Variants in CNTNAP2 observed in about 807,000 individuals in gnomAD.
The protein encoded by CNTNAP2 is contactin associated protein 2.
In CNTNAP2, 98 loss-of-function variants were observed where a neutral mutation model predicts 155.2. That is an observed-to-expected ratio of 0.63 (90% CI 0.54 to 0.75). The LOEUF (loss-of-function observed/expected upper bound fraction) is 0.75. Ranked by LOEUF, CNTNAP2 falls within the 30% of genes least tolerant of loss-of-function variation. The probability of loss-of-function intolerance (pLI) is 0.00; values close to 1 mark genes in which losing one functional copy is unlikely to be tolerated. For missense variants in CNTNAP2, 1,727 were observed against 1,688.1 expected (o/e 1.02, Z -0.40); for synonymous variants, 651 against 631.2 (o/e 1.03, Z -0.47).
chr7:146,233,723 T>C (rs918645851), intron 1 of CNTNAP2, among the ~76,000 whole-genome samples: 8 of 152,100 alleles, frequency 5.3e-5, no homozygotes, highest in African/African-American at 1.9e-4. Context: ...GTGTTTGGTT[T>C]TTTGTTCTTG....
intron 1 of CNTNAP2, among the ~76,000 whole-genome samples, chr7:146,449,365 T>C (rs1242762433): frequency 1.3e-5 from 2 of 152,142 alleles, no homozygotes; most frequent in African/African-American, 4.8e-5. Context: ...TTTTTTCCTC[T>C]TGTGCATGTT....
intron 1 of CNTNAP2, among the ~76,000 whole-genome samples, chr7:146,159,188 G>A (rs1584778535): frequency 6.6e-6 from 1 of 152,164 alleles, no homozygotes; most frequent in South Asian, 2.1e-4. Context: ...ACAAAGAAAT[G>A]CTGAGAGACT....
intron 3 of CNTNAP2, among the ~76,000 whole-genome samples, chr7:146,943,362 T>C (rs1039980028): frequency 6.6e-6 from 1 of 152,044 alleles, no homozygotes; most frequent in Non-Finnish European, 1.5e-5. Flanking sequence ...TGTGGTGGCA[T>C]GCACCTGGAA....
chr7:148,080,483 T>G (rs938531474), intron 15 of CNTNAP2, among the ~76,000 whole-genome samples: 2 of 151,158 alleles, frequency 1.3e-5, no homozygotes, highest in Non-Finnish European at 2.9e-5. Context: ...GCGGCGCCTG[T>G]AGTCCCAGCT....
rs528099332 is a variant in CNTNAP2 at position 146,237,901 on chromosome 7, T to G, written c.97+120928T>G. Among the ~76,000 whole-genome samples the G allele has an allele frequency of 1.6e-4, 25 of 152,352 alleles. No homozygotes were observed. The South Asian group carries it at 5.0e-3, about 30-fold the overall frequency. ...AGTGTTTTAACACTTCTGAGAAATATCCTTTCAGATACCAGATGGCTAGAT... is the reference window on the plus strand; with the variant it reads ...AGTGTTTTAACACTTCTGAGAAATAGCCTTTCAGATACCAGATGGCTAGAT... On this transcript the variant is annotated intron_variant, in intron 1 of 23. Transcript: ENST00000361727.
chr7:146,682,034 T>C (rs530920564), intron 1 of CNTNAP2, among the ~76,000 whole-genome samples: 1 of 152,160 alleles, frequency 6.6e-6, no homozygotes, highest in Non-Finnish European at 1.5e-5. Context: ...TACATCATCA[T>C]ATATCATCAC....
At chr7:148,329,345 A>G (rs1797945979) in intron 21 of CNTNAP2, among the ~76,000 whole-genome samples, 1 of 152,224 alleles carries the variant, frequency 6.6e-6, no homozygotes, top group African/African-American at 2.4e-5. Flanking sequence ...CAGACCATCA[A>G]GAAGTCCCCG....
Position 147,352,320 on chromosome 7 carries a change from A to G in CNTNAP2, c.1499-43289A>G, listed in dbSNP as rs573752091. Among the ~76,000 whole-genome samples the G allele has an allele frequency of 2.8e-4, 42 of 152,116 alleles. 1 individual carries two copies. The highest frequency in any genetic ancestry group is 8.4e-4 in the African/African-American group (35 of 41,564). On this transcript the variant is annotated intron_variant, in intron 9 of 23. Coordinates refer to ENST00000361727, the MANE Select transcript of CNTNAP2 (RefSeq NM_014141.6). ...TGTCAATTGTACTTAAACACTTTTG[A>G]GATATGGCAGAGGATCTTGCTTCCC... is the stretch of plus-strand genomic sequence containing the variant.
At chr7:146,413,268 T>C (rs563596589) in intron 1 of CNTNAP2, among the ~76,000 whole-genome samples, 1 of 152,274 alleles carries the variant, frequency 6.6e-6, no homozygotes, top group East Asian at 1.9e-4. Flanking sequence ...CTGCATGTCG[T>C]GAGGGCCACT....
intron 13 of CNTNAP2, among the ~76,000 whole-genome samples, chr7:147,805,035 A>G (rs1798067116): frequency 6.6e-6 from 1 of 152,032 alleles, no homozygotes; most frequent in South Asian, 2.1e-4. Context: ...CTGCTTTCCA[A>G]CAGCTTCCTC....
intron 21 of CNTNAP2, among the ~76,000 whole-genome samples, chr7:148,372,376 C>T (rs1798903342): frequency 6.6e-6 from 1 of 151,982 alleles, no homozygotes; most frequent in Non-Finnish European, 1.5e-5. Context: ...ACACTTTGGC[C>T]ACATTAAATT....
chr7:146,599,792 T>A (rs1276955288), intron 1 of CNTNAP2, among the ~76,000 whole-genome samples: 1 of 105,094 alleles, frequency 9.5e-6, no homozygotes, highest in African/African-American at 3.8e-5. Flanking sequence ...ATCTCTAGTT[T>A]TATGTACTAC....
intron 10 of CNTNAP2, among the ~76,000 whole-genome samples, chr7:147,479,498 G>C (rs1798383761): frequency 6.6e-6 from 1 of 152,186 alleles, no homozygotes; most frequent in Non-Finnish European, 1.5e-5. Flanking sequence ...TGAATAGACA[G>C]ATGGTTTTGC....
chr7:147,554,802 C>G (rs1245482216), intron 11 of CNTNAP2, among the ~76,000 whole-genome samples: 2 of 151,524 alleles, frequency 1.3e-5, no homozygotes, highest in Non-Finnish European at 2.9e-5. Context: ...ACAATGGTTC[C>G]TAAGGGAAAT....
chr7:146,796,006 A>C (rs1216947545), intron 2 of CNTNAP2, among the ~76,000 whole-genome samples: 1 of 152,236 alleles, frequency 6.6e-6, no homozygotes, highest in Non-Finnish European at 1.5e-5. Flanking sequence ...CACATGAAAG[A>C]AAAATCATAA....
chr7:147,171,857 G>T (rs1417395043), intron 8 of CNTNAP2, among the ~76,000 whole-genome samples: 3 of 151,656 alleles, frequency 2.0e-5, no homozygotes, highest in African/African-American at 7.3e-5. Flanking sequence ...TGTAAATTGG[G>T]TATTACATCG....
chr7:146,395,826 G>GGA (rs35033097), intron 1 of CNTNAP2, among the ~76,000 whole-genome samples: 8,445 of 116,392 alleles, frequency 0.073, 314 homozygotes, highest in African/African-American at 0.084. Context: ...GATAGATAGA[G>GGA]GAGAGAGAGA....
chr7:146,202,979 T>A (rs1798889788), intron 1 of CNTNAP2, among the ~76,000 whole-genome samples: 1 of 152,044 alleles, frequency 6.6e-6, no homozygotes, highest in Non-Finnish European at 1.5e-5. Context: ...TCTGATACAC[T>A]TTAGAGCTAC....
chr7:146,328,281 C>G (rs1801128209), intron 1 of CNTNAP2, among the ~76,000 whole-genome samples: 1 of 152,016 alleles, frequency 6.6e-6, no homozygotes, highest in South Asian at 2.1e-4. Context: ...CTAAAACATC[C>G]CCTCCTGTCC....
Sources: allele counts gnomAD v4.1 joint callset (sites outside exome capture counted in the v4.1 genomes callset), GRCh38; gene constraint gnomAD v4.1.1; transcripts MANE v1.5; gene names NCBI Gene and HGNC (gene_info 2026-07-23, HGNC 2026-07-21).